The following ATP1A2 variants were observed in gnomAD, a reference collection of about 807,000 sequenced individuals.
ATP1A2 encodes the protein ATPase Na+/K+ transporting subunit alpha 2.
Under a neutral mutation model 113.1 loss-of-function variants are expected in ATP1A2, and 56 were observed. That is an observed-to-expected ratio of 0.49 (90% CI 0.40 to 0.62). The LOEUF (loss-of-function observed/expected upper bound fraction) is 0.62. Ranked by LOEUF, ATP1A2 falls within the 20% of genes least tolerant of loss-of-function variation. The pLI is 0.00. For synonymous variants in ATP1A2, 490 were observed against 526.8 expected (o/e 0.93, Z 0.96); for missense variants, 712 against 1,357.8 (o/e 0.52, Z 7.47).
chr1:160,118,724 T>C (rs1651269930), intron 1 of ATP1A2, among the ~76,000 whole-genome samples: 1 of 152,122 alleles, frequency 6.6e-6, no homozygotes, highest in Non-Finnish European at 1.5e-5. Context: ...TTTTAAATCA[T>C]TGGTATCTTG....
In ATP1A2 at chr1:160,135,397, G is replaced by C; in HGVS notation, c.2116-37G>C. On this transcript the variant is annotated intron_variant, in intron 15 of 22. Coordinates refer to ENST00000361216, the MANE Select transcript of ATP1A2 (RefSeq NM_000702.4). The surrounding 1 kb of genome is among the most constrained non-coding windows in gnomAD (Gnocchi z 6.3). Reference sequence around the variant, plus strand: ...AGAGGCGAGGAGCCAGGCTTGGGAAGGGGTTTCGTCCTCAAGTGTGGCCGT... The same window carrying C: ...AGAGGCGAGGAGCCAGGCTTGGGAACGGGTTTCGTCCTCAAGTGTGGCCGT... 1 of 1,614,180 alleles carries C rather than the reference G, an allele frequency of 6.2e-7. No individual in the cohort carries two copies. Among genetic ancestry groups the C allele is most frequent in the South Asian group, 1.1e-5 (1 of 91,078 alleles).
In ATP1A2 at chr1:160,125,108, T is replaced by A. The variant is rs1651543718; in HGVS notation, c.631-28T>A. 3.1e-6 allele frequency: 5 copies of A among 1,596,562 alleles called. No individual in the cohort carries two copies. The Admixed American group carries it at 5.0e-5, about 16-fold the overall frequency. On this transcript the variant is annotated intron_variant, in intron 6 of 22. Coordinates refer to ENST00000361216, the MANE Select transcript of ATP1A2 (RefSeq NM_000702.4). ...GTGCATACAAGTGGCTCTGCCAGTCTGATGACTATGCACTCCTTCCTCCTC... is the reference window on the plus strand; with the variant it reads ...GTGCATACAAGTGGCTCTGCCAGTCAGATGACTATGCACTCCTTCCTCCTC...
chr1:160,129,516 T>C (rs1651701000), intron 11 of ATP1A2, 116 bp downstream of exon 11: 5 of 1,485,920 alleles, frequency 3.4e-6, no homozygotes, highest in Non-Finnish European at 4.6e-6. Flanking sequence ...TCATGTTCCC[T>C]CCCCCTGCTA....
chr1:160,124,042 A>G lies in ATP1A2; in HGVS notation c.481A>G (p.Asn161Asp), dbSNP rs796052279. The G allele has an allele frequency of 3.7e-6, 6 of 1,614,140 alleles. No homozygotes were observed. The highest frequency in any genetic ancestry group is 5.1e-6 in the Non-Finnish European group (6 of 1,179,994). Residue 161 changes from asparagine to aspartate, a missense_variant, in exon 5 of 23, where the codon AAC becomes GAC. Transcript: ENST00000361216. ...KSSKIMDSFK[N>D]MVPQQALVIR... is the part of the protein sequence containing the mutation. ...CTCCAAGATCATGGATTCCTTCAAG[A>G]ACATGGTACCTCAGGTAAGATGGCA...
intron 22 of ATP1A2, chr1:160,140,557 G>T: frequency 5.9e-6 from 1 of 169,484 alleles, no homozygotes. Flanking sequence ...GTCCGATATA[G>T]AAAATTTAGG....
intron 1 of ATP1A2, among the ~76,000 whole-genome samples, chr1:160,119,054 T>C (rs529682865): frequency 3.6e-4 from 54 of 151,834 alleles, no homozygotes; most frequent in Admixed American, 2.2e-3. Context: ...TAAAGATGTA[T>C]CAATGCAGGT....
At chr1:160,120,629 T>C (rs1039143957) in intron 1 of ATP1A2, among the ~76,000 whole-genome samples, 1 of 152,172 alleles carries the variant, frequency 6.6e-6, no homozygotes, top group Admixed American at 6.5e-5. Context: ...ACAAACAAAA[T>C]CTTAGCAGAA....
At chr1:160,116,327 A>G (rs754742616) in intron 1 of ATP1A2, among the ~76,000 whole-genome samples, 6 of 152,058 alleles carry the variant, frequency 3.9e-5, no homozygotes, top group Admixed American at 6.5e-5. Context: ...GAGGTTAGAG[A>G]GGGGCAGTAG....
chr1:160,121,531 C>G (rs1651400009), intron 3 of ATP1A2, among the ~76,000 whole-genome samples: 1 of 152,258 alleles, frequency 6.6e-6, no homozygotes. Context: ...CAGGGCCCTT[C>G]CCTATACCCC....
rs768244932 is a variant in ATP1A2, at chr1:160,128,962, C to T, written c.1217-18C>T. 5 of 1,596,512 alleles carry T rather than the reference C, an allele frequency of 3.1e-6. No individual in the cohort carries two copies. Among genetic ancestry groups the T allele is most frequent in the Non-Finnish European group, 4.3e-6 (5 of 1,170,398 alleles). On this transcript the variant is annotated intron_variant, in intron 9 of 22. Coordinates refer to ENST00000361216, the MANE Select transcript of ATP1A2 (RefSeq NM_000702.4). The stretch of plus-strand genomic sequence containing the variant: ...CTAAAGGGAGCCACGCTCCTGGTTC[C>T]CCCTCATTTCCTCCCAGGGGCCACT...
At chr1:160,134,128 TAC>T (rs145239662) in intron 13 of ATP1A2, among the ~76,000 whole-genome samples, 47 of 59,530 alleles carry the variant, frequency 7.9e-4, no homozygotes, top group South Asian at 1.2e-3. Context: ...CCACCCCACA[TAC>T]ACACACACAC....
At chr1:160,122,118 T>A (rs568316414) in intron 3 of ATP1A2, among the ~76,000 whole-genome samples, 1 of 152,046 alleles carries the variant, frequency 6.6e-6, no homozygotes, top group Non-Finnish European at 1.5e-5. Flanking sequence ...GGCGATAGAG[T>A]GAGACTCCAT....
intron 21 of ATP1A2, 38 bp from the exon 22 acceptor site, chr1:160,139,855 C>A: frequency 6.2e-7 from 1 of 1,612,296 alleles, no homozygotes; most frequent in Non-Finnish European, 8.5e-7. Context: ...ACCAAGCCAA[C>A]CTCTGATGCT....
chr1:160,137,178 G>T, intron 20 of ATP1A2, 147 bp downstream of exon 20: 1 of 1,336,046 alleles, frequency 7.5e-7, no homozygotes, highest in Non-Finnish European at 1.0e-6. Flanking sequence ...CCATAGATAG[G>T]TTTCATATAG....
At position 160,135,416 on chromosome 1, in the gene ATP1A2, T is replaced by C. The variant is rs1484579401; in HGVS notation, c.2116-18T>C. The C allele has an allele frequency of 5.0e-6, 8 of 1,614,132 alleles. No homozygotes were observed. The highest frequency in any genetic ancestry group is 6.8e-6 in the Non-Finnish European group (8 of 1,180,004). On this transcript the variant is annotated intron_variant, in intron 15 of 22. Transcript: ENST00000361216. The surrounding 1 kb of genome is among the most constrained non-coding windows in gnomAD (Gnocchi z 6.3). ...TGGGAAGGGGTTTCGTCCTCAAGTG[T>C]GGCCGTCTTCCCTCCAGGGAGCCAT...
At position 160,128,831 on chromosome 1, in the gene ATP1A2, C is replaced by T. The variant is rs1651668579; in HGVS notation, c.1197C>T (p.Asp399=). 1 of 1,614,116 alleles carries T rather than the reference C, an allele frequency of 6.2e-7. No homozygotes were observed. Among genetic ancestry groups the T allele is most frequent in the South Asian group, 1.1e-5 (1 of 91,060 alleles). Residue 399 remains aspartate (D), a synonymous_variant, in exon 9 of 23, where the codon GAC becomes GAT. Transcript: ENST00000361216. ...MWFDNQIHEA[D]TTEDQSGATF... ...TCGACAACCAAATCCATGAGGCTGA[C>T]ACCACCGAAGATCAGTCTGGTGATT...
chr1:160,136,112 G>A, intron 17 of ATP1A2, 119 bp downstream of exon 17: 1 of 1,599,942 alleles, frequency 6.3e-7, no homozygotes, highest in Non-Finnish European at 8.6e-7. Context: ...ACAGGCACAG[G>A]CCTGGAAGAC....
At position 160,136,376 on chromosome 1, in the gene ATP1A2, C is replaced by T. The variant is rs1054443447; in HGVS notation, c.2563+6C>T. On this transcript the variant is annotated splice_donor_region_variant and intron_variant, in intron 18 of 22. Transcript: ENST00000361216. The stretch of plus-strand genomic sequence containing the variant: ...CATGGCCTACGGACAGATCGGTGCG[C>T]CAAGCCCCGGGCCTCGGGAGGGAAC... 6.2e-7 allele frequency: 1 copy of T among 1,613,982 alleles called. No homozygotes were observed. The highest frequency in any genetic ancestry group is 8.5e-7 in the Non-Finnish European group (1 of 1,180,032).
intron 3 of ATP1A2, 126 bp from the exon 4 acceptor site, chr1:160,123,087 C>T (rs1326517733): frequency 9.2e-7 from 1 of 1,084,406 alleles, no homozygotes; most frequent in East Asian, 2.5e-5. Context: ...GTCCCCCACC[C>T]CTTCCAACCA....
Sources: gnomAD v4.1 joint callset for allele counts (sites outside exome capture counted in the v4.1 genomes callset) on GRCh38, gnomAD v4.1.1 for gene constraint, Gnocchi (gnomAD v3.1) non-coding constraint, MANE v1.5 for transcripts, NCBI Gene and HGNC (gene_info 2026-07-23, HGNC 2026-07-21) for gene names.